Variants in TXNL4A observed in about 807,000 individuals in gnomAD.
TXNL4A encodes the protein thioredoxin-like protein 4A.
Under a neutral mutation model 14.6 loss-of-function variants are expected in TXNL4A, and 17 were observed. The ratio of observed to expected loss-of-function variants is 1.16; its 90% CI spans 0.80 to 1.74. The LOEUF (loss-of-function observed/expected upper bound fraction) is 1.74. Ranked by LOEUF, TXNL4A falls within the 40% of genes most tolerant of loss-of-function variation. The pLI is 0.00. For missense variants in TXNL4A, 74 were observed against 195.2 expected (o/e 0.38, Z 3.70); for synonymous variants, 83 against 70.6 (o/e 1.18, Z -0.88).
chr18:79,999,597 C>T (rs1430399041), intron 1 of TXNL4A, among the ~76,000 whole-genome samples: 1 of 151,548 alleles, frequency 6.6e-6, no homozygotes, highest in Non-Finnish European at 1.5e-5. Flanking sequence ...CATAAAAATC[C>T]CAGGTCACTT....
intron 1 of TXNL4A, among the ~76,000 whole-genome samples, chr18:80,000,647 TTTTG>T (rs1011376701): frequency 3.9e-5 from 6 of 152,178 alleles, no homozygotes; most frequent in Non-Finnish European, 5.9e-5. Flanking sequence ...GAGCCAAATT[TTTTG>T]TTTGTTTGTT....
At chr18:79,980,677 C>G (rs867092942) in intron 1 of TXNL4A, among the ~76,000 whole-genome samples, 32 of 152,194 alleles carry the variant, frequency 2.1e-4, no homozygotes, top group African/African-American at 7.5e-4. Context: ...TGAAAAAAAC[C>G]GTATCAGAAC....
intron 2 of TXNL4A, 56 bp from the exon 3 acceptor site, chr18:79,973,912 C>G (rs1341261645): frequency 6.3e-7 from 1 of 1,586,686 alleles, no homozygotes; most frequent in East Asian, 2.2e-5. Context: ...AAAAAGAATT[C>G]CTTGAAAACA....
At position 79,993,981 on chromosome 18, in the gene TXNL4A, C is replaced by A. The variant is rs1473319781; in HGVS notation, c.-60-16280G>T. ...GAATAATGGCCCTGAAGAGCCAGGT[C>A]CCCAGGCAGCACACTTTGGGTCTCA... On this transcript the variant is annotated intron_variant, in intron 1 of 2. Transcript: ENST00000585474. The surrounding 1 kb of genome is among the most constrained non-coding windows in gnomAD (Gnocchi z 4.4). Among the ~76,000 whole-genome samples, 1 of 152,108 alleles carries A rather than the reference C, an allele frequency of 6.6e-6. No homozygotes were observed. The highest frequency in any genetic ancestry group is 2.4e-5 in the African/African-American group (1 of 41,422).
At chr18:80,002,638 C>T (rs753408098) in intron 1 of TXNL4A, among the ~76,000 whole-genome samples, 3 of 152,150 alleles carry the variant, frequency 2.0e-5, no homozygotes, top group Non-Finnish European at 4.4e-5. Flanking sequence ...TCTGAGCATG[C>T]CCATATTTAG....
rs1213151028 is a variant in TXNL4A, at chr18:79,971,889, C to T, written c.*1796G>A. On this transcript the variant is annotated 3_prime_UTR_variant, in exon 3 of 3. Transcript: ENST00000269601. Reference sequence around the variant, plus strand: ...CTGGAGAAATAGCAGGAGTGTAATACTGAGTGTCTGTTACATGCCAGGTAC... The same window carrying T: ...CTGGAGAAATAGCAGGAGTGTAATATTGAGTGTCTGTTACATGCCAGGTAC... 3 of 152,148 alleles carry T rather than the reference C, an allele frequency of 2.0e-5. No individual in the cohort carries two copies. The highest frequency in any genetic ancestry group is 7.2e-5 in the African/African-American group (3 of 41,426). The allele number at this position is 152,148 out of a possible 1,614,324, so 9.4% of individuals were successfully genotyped here.
At chr18:80,014,417 A>G (rs562003424) in intron 1 of TXNL4A, among the ~76,000 whole-genome samples, 10 of 152,326 alleles carry the variant, frequency 6.6e-5, no homozygotes, top group Admixed American at 2.0e-4. Flanking sequence ...AAACTGGCCA[A>G]AACAAAGGGG....
intron 1 of TXNL4A, among the ~76,000 whole-genome samples, chr18:80,028,370 C>T (rs1331493680): frequency 6.7e-6 from 1 of 149,794 alleles, no homozygotes; most frequent in South Asian, 2.2e-4. Flanking sequence ...GTCTGTCAAC[C>T]GGTCAGCCTC....
At chr18:79,995,356 G>C (rs761354365) in intron 1 of TXNL4A, 1 of 152,250 alleles carries the variant, frequency 6.6e-6, no homozygotes, top group Admixed American at 6.5e-5. Flanking sequence ...AGAGATGCTC[G>C]TGAACGATGA....
At position 79,988,264 on chromosome 18, in the gene TXNL4A, C is replaced by T. The variant is rs1228765554; in HGVS notation, c.129G>A (p.Glu43=). 7 of 1,599,918 alleles carry T rather than the reference C, an allele frequency of 4.4e-6. No individual in the cohort carries two copies. In the African/African-American group the frequency reaches 8.0e-5, roughly 18 times the overall value. The change falls in exon 1 of 3, where the codon GAG becomes GAA. Residue 43 remains glutamate, a synonymous_variant. Coordinates refer to ENST00000269601, the MANE Select transcript of TXNL4A (RefSeq NM_006701.5). ...DWDPTCMKMD[E]VLYSIAEKVK... The stretch of plus-strand genomic sequence containing the variant: ...CCTTCTCGGCGATGCTGTACAGGAC[C>T]TCGTCCATCTTCATGCACGTAGGAT...
upstream of TXNL4A, among the ~76,000 whole-genome samples, chr18:79,992,180 G>T (rs146261817): frequency 6.6e-6 from 1 of 152,338 alleles, no homozygotes; most frequent in African/African-American, 2.4e-5. Flanking sequence ...AGGGACCCAA[G>T]ATACTTTCCT....
chr18:80,004,034 T>C (rs952176148), intron 1 of TXNL4A, among the ~76,000 whole-genome samples: 12 of 151,912 alleles, frequency 7.9e-5, no homozygotes, highest in Admixed American at 3.9e-4. Context: ...CCATGTCAGA[T>C]AGGTCACTGG....
rs1417357341 is a variant in TXNL4A, at chr18:80,028,352, C to T, written c.-61+5499G>A. Among the ~76,000 whole-genome samples, 11 of 149,500 alleles carry T rather than the reference C, an allele frequency of 7.4e-5. No individual in the cohort carries two copies. In the Admixed American group the frequency reaches 7.4e-4, roughly 10 times the overall value. On this transcript the variant is annotated intron_variant, in intron 1 of 2. Transcript: ENST00000585474. ...GACCCTTCTAAACTCTCATCATACTCAACGTGTGTCTGTCAACCGGTCAGC... is the reference window on the plus strand; with the variant it reads ...GACCCTTCTAAACTCTCATCATACTTAACGTGTGTCTGTCAACCGGTCAGC...
chr18:80,016,138 C>T (rs1243170949), intron 1 of TXNL4A, among the ~76,000 whole-genome samples: 2 of 148,638 alleles, frequency 1.3e-5, no homozygotes, highest in Non-Finnish European at 3.0e-5. Flanking sequence ...TTTCATGTGT[C>T]TTTTGGCTGC....
Position 79,988,221 on chromosome 18 carries a change from G to A in TXNL4A, c.153+19C>T, listed in dbSNP as rs553914721. The A allele has an allele frequency of 1.5e-5, 22 of 1,503,536 alleles. No homozygotes were observed. The African/African-American group carries it at 2.9e-4, about 20-fold the overall frequency. The allele number at this position is 1,503,536 out of a possible 1,614,324, so 93.1% of individuals were successfully genotyped here. A position where few individuals can be genotyped will look rare whatever the true frequency, so the allele number is the denominator to read the frequency against. On this transcript the variant is annotated intron_variant, in intron 1 of 2. Coordinates refer to ENST00000269601, the MANE Select transcript of TXNL4A (RefSeq NM_006701.5). ...ATGCGGAAGCACAGCCCGCAGAGCG[G>A]GAGAGTCCGGCGCGCTACCTTCTCG...
intron 1 of TXNL4A, among the ~76,000 whole-genome samples, chr18:79,986,340 T>A (rs1185281434): frequency 1.3e-5 from 2 of 152,234 alleles, no homozygotes; most frequent in African/African-American, 4.8e-5. Context: ...TGGCCTAGGT[T>A]TGCCCTTTTA....
At chr18:80,026,678 C>T (rs894780657) in intron 1 of TXNL4A, among the ~76,000 whole-genome samples, 15 of 152,120 alleles carry the variant, frequency 9.9e-5, no homozygotes, top group African/African-American at 3.1e-4. Context: ...TTTACTTTCC[C>T]GTTTCATTGG....
intron 2 of TXNL4A, among the ~76,000 whole-genome samples, chr18:79,976,287 C>T (rs2051378256): frequency 6.6e-6 from 1 of 152,228 alleles, no homozygotes; most frequent in South Asian, 2.1e-4. Context: ...TTGGGCAAGT[C>T]TAATCTTATC....
intron 1 of TXNL4A, among the ~76,000 whole-genome samples, chr18:80,027,641 T>G (rs1019134295): frequency 3.9e-5 from 6 of 152,208 alleles, no homozygotes; most frequent in African/African-American, 1.4e-4. Flanking sequence ...ATTTAATTTT[T>G]CCCCAGGGCT....
Sources: gnomAD v4.1 joint callset for allele counts (sites outside exome capture counted in the v4.1 genomes callset) on GRCh38, gnomAD v4.1.1 for gene constraint, Gnocchi (gnomAD v3.1) non-coding constraint, MANE v1.5 for transcripts, NCBI Gene and HGNC (gene_info 2026-07-23, HGNC 2026-07-21) for gene names.